Variants in ZNF217 observed in about 807,000 individuals in gnomAD.
The protein encoded by ZNF217 is zinc finger protein 217.
A neutral mutation model predicts 73.3 loss-of-function variants in ZNF217; 12 were observed. That is an observed-to-expected ratio of 0.16 (90% CI 0.10 to 0.27). The LOEUF (loss-of-function observed/expected upper bound fraction) is 0.27, where lower values mean the gene tolerates loss of function less well. ZNF217 is among the 10% of genes least tolerant of loss of function. The probability of loss-of-function intolerance (pLI) is 1.00; values close to 1 mark genes in which losing one functional copy is unlikely to be tolerated. For missense variants in ZNF217, 1,195 were observed against 1,327.8 expected, an observed-to-expected ratio of 0.90 and a Z score of 1.55; for synonymous variants, 588 against 516.4, an observed-to-expected ratio of 1.14 and a Z score of -1.88.
chr20:53,569,341 G>A (rs915764496), intron 5 of ZNF217, 77 bp from the exon 6 acceptor site: 24 of 1,072,042 alleles, frequency 2.2e-5, no homozygotes, highest in East Asian at 1.2e-4. Context: ...TTAAAAAAGC[G>A]TAATACATAG....
chr20:53,594,386 GC>G (rs1432670578), upstream of ZNF217, among the ~76,000 whole-genome samples: 19 of 94,310 alleles, frequency 2.0e-4, no homozygotes, highest in Admixed American at 1.6e-3. Context: ...GCCCCACACC[GC>G]CCCGGCCCCG....
chr20:53,576,649 A>G lies in ZNF217; in HGVS notation c.2115T>C (p.Ser705=). 1 of 1,614,244 alleles carries G rather than the reference A, an allele frequency of 6.2e-7. No homozygotes were observed. The highest frequency in any genetic ancestry group is 1.1e-5 in the South Asian group (1 of 91,088). ...HNCPAISLSK[S]LIPSITCPFC... Reference sequence around the variant, plus strand: ...ATGGACAGGTGATACTTGGAATCAAACTTTTACTCAAAGAAATTGCCGGGC... The same window carrying G: ...ATGGACAGGTGATACTTGGAATCAAGCTTTTACTCAAAGAAATTGCCGGGC... The change falls in exon 4 of 6, where the codon AGT becomes AGC. Residue 705 remains serine, a synonymous_variant. Coordinates refer to ENST00000371471, the MANE Select transcript of ZNF217 (RefSeq NM_006526.3).
chr20:53,577,355 G>C (rs1305770188), intron 3 of ZNF217, 75 bp from the exon 4 acceptor site: 15 of 1,322,270 alleles, frequency 1.1e-5, no homozygotes, highest in Non-Finnish European at 1.5e-5. Context: ...TATTTATTAA[G>C]AAAACAGGCT....
At chr20:53,586,649 C>T (rs144947056) in intron 1 of ZNF217, among the ~76,000 whole-genome samples, 1 of 152,330 alleles carries the variant, frequency 6.6e-6, no homozygotes, top group Non-Finnish European at 1.5e-5. Flanking sequence ...ACCAGGTTTA[C>T]ATCCCTTAAA....
At chr20:53,579,020 T>C (rs1236074024) in intron 2 of ZNF217, among the ~76,000 whole-genome samples, 1 of 152,204 alleles carries the variant, frequency 6.6e-6, no homozygotes, top group African/African-American at 2.4e-5. Flanking sequence ...GGAAAGTCTG[T>C]CAAAATTTAG....
At position 53,582,744 on chromosome 20, in the gene ZNF217, A is replaced by C; in HGVS notation, c.83T>G (p.Leu28Arg). The C allele has an allele frequency of 6.2e-7, 1 of 1,614,164 alleles. No homozygotes were observed. The highest frequency in any genetic ancestry group is 8.5e-7 in the Non-Finnish European group (1 of 1,180,026). ...MDGPEVIGSSLGSPMEMEDAL... is the reference protein window; with the variant it reads ...MDGPEVIGSSRGSPMEMEDAL... The stretch of plus-strand genomic sequence containing the variant: ...ATCCTCCATCTCCATCGGACTGCCA[A>C]GAGAGCTGCCAATCACTTCTGGCCC... Residue 28 changes from leucine (L) to arginine (R), a missense_variant, in exon 2 of 6, where the codon CTT becomes CGT. By Grantham distance (102) the Leu-to-Arg change is moderately radical. Coordinates refer to ENST00000371471, the MANE Select transcript of ZNF217 (RefSeq NM_006526.3). This position sits in a 1 kb window ranked among gnomAD's most constrained non-coding sequence, Gnocchi z 4.8.
intron 1 of ZNF217, among the ~76,000 whole-genome samples, chr20:53,592,834 C>CT (rs1237050818): frequency 2.0e-5 from 3 of 146,450 alleles, no homozygotes; most frequent in Admixed American, 6.8e-5. Context: ...AGAAACTTCC[C>CT]TTAAAAAAAA....
chr20:53,583,171 A>AAT lies in ZNF217; in HGVS notation c.-342-4_-342-3insAT. On this transcript the variant is annotated splice_region_variant and splice_polypyrimidine_tract_variant and intron_variant, in intron 1 of 5. Coordinates refer to ENST00000371471, the MANE Select transcript of ZNF217 (RefSeq NM_006526.3). ...TGGAGACAAGGGATTTCCAAACCCT[A>AAT]GAGGAAAAAAAACAGAAACGGTTAG... 7.3e-6 allele frequency: 3 copies of AAT among 411,562 alleles called. No homozygotes were observed. The highest frequency in any genetic ancestry group is 9.8e-5 in the South Asian group (1 of 10,234). The allele number at this position is 411,562 out of a possible 1,614,324, so 25.5% of individuals were successfully genotyped here. A position where few individuals can be genotyped will look rare whatever the true frequency, so the allele number is the denominator to read the frequency against.
chr20:53,573,748 C>CACAT (rs1988118844), intron 4 of ZNF217, among the ~76,000 whole-genome samples: 1 of 152,160 alleles, frequency 6.6e-6, no homozygotes. Flanking sequence ...TGTGAGCCAC[C>CACAT]ACATCCAGCA....
Position 53,578,419 on chromosome 20 carries a change from A to G in ZNF217, c.1398T>C (p.His466=). The change falls in exon 3 of 6, where the codon CAT becomes CAC. Residue 466 remains histidine (H), a synonymous_variant. Transcript: ENST00000371471. ...DKNDDGGKIK[H]LTSSRECSYC... ...AACTACACTCTCTTGAAGATGTAAG[A>G]TGTTTTATTTTTCCTCCATCATCAT... 1 of 1,576,698 alleles carries G rather than the reference A, an allele frequency of 6.3e-7. No individual in the cohort carries two copies. Among genetic ancestry groups the G allele is most frequent in the South Asian group, 1.2e-5 (1 of 82,440 alleles).
Position 53,571,748 on chromosome 20 carries a change from GTTT to G in ZNF217, c.3140_3142del (p.Lys1047del). On this transcript the variant is annotated inframe_deletion, in exon 5 of 6. Transcript: ENST00000371471. ...TTTTTCCCCCTAATTAGTGAATCAA[GTTT>G]TTTTGTCATTTGGTCGATAATGTGC... is the stretch of plus-strand genomic sequence containing the variant. 1 of 1,607,874 alleles carries G rather than the reference GTTT, an allele frequency of 6.2e-7. No individual in the cohort carries two copies. The highest frequency in any genetic ancestry group is 8.5e-7 in the Non-Finnish European group (1 of 1,178,248).
rs1988471588 is a variant in ZNF217 at position 53,581,308 on chromosome 20, C to T, written c.1366+153G>A. Among the ~76,000 whole-genome samples the T allele has an allele frequency of 6.6e-6, 1 of 152,112 alleles. No individual in the cohort carries two copies. ...AGGCCCTGAGAGGTTAAATGACTTA[C>T]ACAGAGTGATACCAAAAAGAGCCTG... is the stretch of plus-strand genomic sequence containing the variant. On this transcript the variant is annotated intron_variant, in intron 2 of 5. Coordinates refer to ENST00000371471, the MANE Select transcript of ZNF217 (RefSeq NM_006526.3). The surrounding 1 kb of genome is among the most constrained non-coding windows in gnomAD (Gnocchi z 4.9).
chr20:53,576,120 T>C lies in ZNF217; in HGVS notation c.2644A>G (p.Ile882Val), dbSNP rs1327359918. Residue 882 changes from isoleucine to valine, a missense_variant, in exon 4 of 6, where the codon ATC becomes GTC. This residue lies in a region of ZNF217 where 649 missense variants were observed against 642.8 expected (regional missense o/e 1.01). Coordinates refer to ENST00000371471, the MANE Select transcript of ZNF217 (RefSeq NM_006526.3). ...TLGSSNINGSIDYPAKNDSPW... is the reference protein window; with the variant it reads ...TLGSSNINGSVDYPAKNDSPW... Reference sequence around the variant, plus strand: ...CTGTCGTTCTTGGCGGGGTAGTCGATGGAACCATTGATGTTACTGCTGCCG... The same window carrying C: ...CTGTCGTTCTTGGCGGGGTAGTCGACGGAACCATTGATGTTACTGCTGCCG... 17 of 1,614,092 alleles carry C rather than the reference T, an allele frequency of 1.1e-5. No homozygotes were observed. The East Asian group carries it at 1.1e-4, about 11-fold the overall frequency.
intron 4 of ZNF217, among the ~76,000 whole-genome samples, chr20:53,573,286 G>A (rs1988098648): frequency 6.6e-6 from 1 of 152,040 alleles, no homozygotes; most frequent in Admixed American, 6.6e-5. Context: ...ACCACACCCA[G>A]CTAATTTTGT....
intron 3 of ZNF217, 29 bp from the exon 4 acceptor site, chr20:53,577,309 G>A (rs1237806265): frequency 6.4e-7 from 1 of 1,564,696 alleles, no homozygotes; most frequent in Non-Finnish European, 8.6e-7. Context: ...CTTTATTATA[G>A]AAGTGTATGA....
At chr20:53,587,456 C>T (rs1200534387) in intron 1 of ZNF217, among the ~76,000 whole-genome samples, 1 of 152,186 alleles carries the variant, frequency 6.6e-6, no homozygotes, top group African/African-American at 2.4e-5. Context: ...TCCTGATGTA[C>T]TCAAACTGTT....
chr20:53,594,556 C>G (rs971683207), upstream of ZNF217, among the ~76,000 whole-genome samples: 5 of 151,812 alleles, frequency 3.3e-5, no homozygotes, highest in African/African-American at 1.2e-4. Flanking sequence ...CCGCGCCCCC[C>G]GCCCCGCACC....
chr20:53,585,587 C>G (rs1988667311), intron 1 of ZNF217, among the ~76,000 whole-genome samples: 1 of 152,132 alleles, frequency 6.6e-6, no homozygotes, highest in Non-Finnish European at 1.5e-5. Context: ...ATTTCCCACT[C>G]AGGGAAACAG....
At chr20:53,579,379 GAAA>G (rs914720138) in intron 2 of ZNF217, among the ~76,000 whole-genome samples, 1 of 150,854 alleles carries the variant, frequency 6.6e-6, no homozygotes, top group Admixed American at 6.6e-5. Context: ...TCTAAAGAAA[GAAA>G]AAAAAATTTA....
Sources: allele counts gnomAD v4.1 joint callset (sites outside exome capture counted in the v4.1 genomes callset), GRCh38; gene constraint gnomAD v4.1.1; regional missense constraint gnomAD v4.1.1; non-coding constraint Gnocchi (gnomAD v3.1); transcripts MANE v1.5; gene names NCBI Gene and HGNC (gene_info 2026-07-23, HGNC 2026-07-21).